The following LRP5 variants were observed in gnomAD, a reference collection of about 807,000 sequenced individuals.
The protein encoded by LRP5 is low-density lipoprotein receptor-related protein 5.
In LRP5, 62 loss-of-function variants were observed where a neutral mutation model predicts 154.1. The observed-to-expected ratio is 0.40, with a 90% CI of 0.33 to 0.50. LRP5 has a LOEUF of 0.50. Ranked by LOEUF, LRP5 falls within the 20% of genes least tolerant of loss-of-function variation. The pLI is 0.55. For missense variants in LRP5, 1,915 were observed against 2,336.7 expected (o/e 0.82, Z 3.72); for synonymous variants, 966 against 1,011.5 (o/e 0.96, Z 0.85).
intron 10 of LRP5, among the ~76,000 whole-genome samples, chr11:68,410,657 C>G (rs963740204): frequency 6.6e-6 from 1 of 152,196 alleles, no homozygotes; most frequent in Non-Finnish European, 1.5e-5. Flanking sequence ...GGACCCACCT[C>G]GAGAGGCAAA....
the LRP5 span, among the ~76,000 whole-genome samples, chr11:68,304,658 G>A: frequency 1.6e-4 from 25 of 152,382 alleles, no homozygotes; most frequent in East Asian, 1.9e-3. Context: ...CTGCAAAGCC[G>A]CAGGAATAGA....
intron 1 of LRP5, among the ~76,000 whole-genome samples, chr11:68,320,160 G>C (rs544292221): frequency 4.6e-5 from 7 of 152,164 alleles, no homozygotes; most frequent in Non-Finnish European, 1.0e-4. Context: ...GCGAGACCCT[G>C]TCTCAAATAC....
At chr11:68,437,067 G>A (rs971832978) in intron 19 of LRP5, 68 bp downstream of exon 19, 8 of 1,350,174 alleles carry the variant, frequency 5.9e-6, no homozygotes, top group Non-Finnish European at 7.4e-6. Context: ...GGAGTTTAGG[G>A]GAGGAGACGT....
chr11:68,439,654 C>A, intron 20 of LRP5, 123 bp from the exon 21 acceptor site: 1 of 1,073,782 alleles, frequency 9.3e-7, no homozygotes, highest in South Asian at 1.4e-5. Context: ...ACATTTCCAA[C>A]AGGACACACC....
In LRP5 at chr11:68,413,703, G is replaced by C; in HGVS notation, c.2518G>C (p.Val840Leu). ...SSNMLGQERV[V>L]IADDLPHPFG... ...TGTTCATGCAGGTCAGGAGCGGGTC[G>C]TGATTGCCGACGATCTCCCGCACCC... Residue 840 changes from valine (V) to leucine (L), a missense_variant, in exon 12 of 23, where the codon GTG becomes CTG. Val to Leu is a conservative substitution (Grantham distance 32, BLOSUM62 1). This residue lies in a region of LRP5 where 1,094 missense variants were observed against 1,210.1 expected (regional missense o/e 0.90). Coordinates refer to ENST00000294304, the MANE Select transcript of LRP5 (RefSeq NM_002335.4). This position sits in a 1 kb window ranked among gnomAD's most constrained non-coding sequence, Gnocchi z 5.1. 1 of 1,613,758 alleles carries C rather than the reference G, an allele frequency of 6.2e-7. No individual in the cohort carries two copies.
chr11:68,327,069 C>A (rs1160073715), intron 1 of LRP5, among the ~76,000 whole-genome samples: 1 of 152,218 alleles, frequency 6.6e-6, no homozygotes, highest in Non-Finnish European at 1.5e-5. Flanking sequence ...CCTGGCCAAG[C>A]TGTGCCGCCC....
rs149752460 is a variant in LRP5 at position 68,448,911 on chromosome 11, C to T, written c.4689C>T (p.Tyr1563=). 3.1e-5 allele frequency: 50 copies of T among 1,613,754 alleles called. No homozygotes were observed. In the African/African-American group the frequency reaches 6.3e-4, roughly 20 times the overall value. The part of the protein sequence containing the change: ...SASRWKASKY[Y]LDLNSDSDPY... Reference sequence around the variant, plus strand: ...GCCGCTGGAAGGCCAGCAAGTACTACCTGGATTTGAACTCGGACTCAGACC... The same window carrying T: ...GCCGCTGGAAGGCCAGCAAGTACTATCTGGATTTGAACTCGGACTCAGACC... Residue 1563 remains tyrosine (Y), a synonymous_variant, in exon 23 of 23, where the codon TAC becomes TAT. Coordinates refer to ENST00000294304, the MANE Select transcript of LRP5 (RefSeq NM_002335.4).
intron 19 of LRP5, among the ~76,000 whole-genome samples, chr11:68,437,675 TG>T (rs1471797631): frequency 6.6e-6 from 1 of 152,114 alleles, no homozygotes; most frequent in Non-Finnish European, 1.5e-5. Flanking sequence ...AGAAGTCTGT[TG>T]GGGGGAGAAG....
At chr11:68,359,977 C>T (rs1476146501) in intron 3 of LRP5, among the ~76,000 whole-genome samples, 7 of 151,756 alleles carry the variant, frequency 4.6e-5, no homozygotes, top group Non-Finnish European at 8.8e-5. Context: ...TTAGTAGGGA[C>T]GGGGTTTCAC....
intron 5 of LRP5, among the ~76,000 whole-genome samples, chr11:68,375,652 G>C (rs2098636944): frequency 6.6e-6 from 1 of 152,238 alleles, no homozygotes; most frequent in Non-Finnish European, 1.5e-5. Flanking sequence ...CGGGACCCAG[G>C]AAACAGGCTG....
Position 68,333,368 on chromosome 11 carries a change from T to C in LRP5, c.92-14479T>C, listed in dbSNP as rs1457464022. Among the ~76,000 whole-genome samples the C allele has an allele frequency of 2.0e-5, 3 of 152,254 alleles. No individual in the cohort carries two copies. In the East Asian group the frequency reaches 5.8e-4, roughly 29 times the overall value. ...ATATTTTCAGCCACTTGTAGACACC[T>C]GAACTTCATTCTTGGCAAACAGGTG... On this transcript the variant is annotated intron_variant, in intron 1 of 22. Transcript: ENST00000294304.
chr11:68,372,712 G>A (rs1408600091), intron 5 of LRP5, among the ~76,000 whole-genome samples: 1 of 152,178 alleles, frequency 6.6e-6, no homozygotes, highest in Non-Finnish European at 1.5e-5. Context: ...CAGTGCCGAG[G>A]GAGCGAGTCT....
rs568596174 is a variant in LRP5, at chr11:68,394,687, A to G, written c.1584+4635A>G. 9.9e-5 allele frequency among the ~76,000 whole-genome samples: 15 copies of G among 150,762 alleles called. No individual in the cohort carries two copies. In the South Asian group the frequency reaches 3.2e-3, roughly 32 times the overall value. On this transcript the variant is annotated intron_variant, in intron 7 of 22. Coordinates refer to ENST00000294304, the MANE Select transcript of LRP5 (RefSeq NM_002335.4). ...CACTACATTAGCCAGGATGGTCTCG[A>G]TCTCCTGACCTCATGATCCGCCCGT...
At position 68,448,867 on chromosome 11, in the gene LRP5, G is replaced by C. The variant is rs771039237; in HGVS notation, c.4645G>C (p.Asp1549His). ...GACGCCCTGCAGCACCGACGTGTGT[G>C]ACAGCGACTACAGCGCCAGCCGCTG... The part of the protein sequence containing the change: ...PTTPCSTDVC[D>H]SDYSASRWKA... Residue 1549 changes from aspartate to histidine, a missense_variant, in exon 23 of 23, where the codon GAC becomes CAC. Around this residue, in one of 3 missense-constraint regions of LRP5, gnomAD observed 1,094 missense variants for 1,210.1 expected, o/e 0.90. Coordinates refer to ENST00000294304, the MANE Select transcript of LRP5 (RefSeq NM_002335.4). 1.9e-6 allele frequency: 3 copies of C among 1,612,630 alleles called. No individual in the cohort carries two copies. The highest frequency in any genetic ancestry group is 2.5e-6 in the Non-Finnish European group (3 of 1,180,014).
intron 12 of LRP5, 134 bp from the exon 13 acceptor site, chr11:68,416,194 C>T (rs1422566276): frequency 5.4e-6 from 4 of 747,046 alleles, no homozygotes; most frequent in Non-Finnish European, 9.6e-6. Context: ...CAGCCCTGGT[C>T]CCCCCGTCTT....
chr11:68,440,345 G>A (rs754992585), intron 21 of LRP5, among the ~76,000 whole-genome samples: 3 of 152,190 alleles, frequency 2.0e-5, no homozygotes, highest in Non-Finnish European at 4.4e-5. Flanking sequence ...ATGGTTTTGT[G>A]CATGACAGAC....
intron 5 of LRP5, among the ~76,000 whole-genome samples, chr11:68,384,640 G>A (rs1423744568): frequency 6.6e-6 from 1 of 152,178 alleles, no homozygotes; most frequent in African/African-American, 2.4e-5. Context: ...ATTTCTGTAG[G>A]AAGCTCTGAT....
Position 68,386,991 on chromosome 11 carries a change from T to TC in LRP5, c.1412+283dup, listed in dbSNP as rs2098643426. ...TGGAGACCTGGAGGGAGCCCTTTGT[T>TC]CCCCTGGCTTCAGTTTCCTCATCTG... On this transcript the variant is annotated intron_variant, in intron 6 of 22. Coordinates refer to ENST00000294304, the MANE Select transcript of LRP5 (RefSeq NM_002335.4). This position sits in a 1 kb window ranked among gnomAD's most constrained non-coding sequence, Gnocchi z 7.9. Among the ~76,000 whole-genome samples, 1 of 152,182 alleles carries TC rather than the reference T, an allele frequency of 6.6e-6. No homozygotes were observed. The highest frequency in any genetic ancestry group is 1.5e-5 in the Non-Finnish European group (1 of 68,034).
intron 5 of LRP5, among the ~76,000 whole-genome samples, chr11:68,370,214 C>T (rs189720006): frequency 1.6e-4 from 24 of 152,300 alleles, no homozygotes; most frequent in African/African-American, 4.1e-4. Context: ...ACAGCTGGGC[C>T]TTCTGAGCCC....
Sources: allele counts gnomAD v4.1 joint callset (sites outside exome capture counted in the v4.1 genomes callset), GRCh38; gene constraint gnomAD v4.1.1; regional missense constraint gnomAD v4.1.1; non-coding constraint Gnocchi (gnomAD v3.1); transcripts MANE v1.5; gene names NCBI Gene and HGNC (gene_info 2026-07-23, HGNC 2026-07-21).